Variants in LYPD1 observed in about 807,000 individuals in gnomAD.
The protein encoded by LYPD1 is LY6/PLAUR domain containing 1.
Under a neutral mutation model 14.2 loss-of-function variants are expected in LYPD1, and 14 were observed. The ratio of observed to expected loss-of-function variants is 0.99; its 90% CI spans 0.65 to 1.54. The LOEUF (loss-of-function observed/expected upper bound fraction) is 1.54, where lower values mean the gene tolerates loss of function less well. Ranked by LOEUF, LYPD1 falls within the 40% of genes most tolerant of loss-of-function variation. The probability of loss-of-function intolerance (pLI) is 0.00; values close to 1 mark genes in which losing one functional copy is unlikely to be tolerated. For synonymous variants in LYPD1, 85 were observed against 70.6 expected (o/e 1.20, Z -1.02); for missense variants, 165 against 175.7 (o/e 0.94, Z 0.34).
chr2:132,666,882 G>A (rs1448936820), intron 2 of LYPD1: 1 of 152,208 alleles, frequency 6.6e-6, no homozygotes, highest in African/African-American at 2.4e-5. Context: ...TGTGGACTCT[G>A]AAGAAGTTCT....
At chr2:132,662,847 A>G (rs1683035825) in intron 2 of LYPD1, among the ~76,000 whole-genome samples, 1 of 152,218 alleles carries the variant, frequency 6.6e-6, no homozygotes, top group Admixed American at 6.5e-5. Context: ...GGGAGGAATT[A>G]GTGTTATGGG....
At chr2:132,656,280 G>T (rs1456345306) in intron 2 of LYPD1, among the ~76,000 whole-genome samples, 1 of 152,256 alleles carries the variant, frequency 6.6e-6, no homozygotes, top group Middle Eastern at 3.4e-3. Context: ...CTTTAAAGAC[G>T]AACTTTTCCA....
At chr2:132,650,715 T>TAAAAAAA (rs869233095) in intron 2 of LYPD1, among the ~76,000 whole-genome samples, 2 of 102,858 alleles carry the variant, frequency 1.9e-5, no homozygotes, top group African/African-American at 6.8e-5. Context: ...CTCCTTCCTT[T>TAAAAAAA]AAAAAAAAAA....
chr2:132,664,725 C>G (rs184955473), intron 2 of LYPD1, among the ~76,000 whole-genome samples: 3 of 152,252 alleles, frequency 2.0e-5, no homozygotes, highest in Admixed American at 2.0e-4. Flanking sequence ...AAATTATGCC[C>G]CTTTCACTGT....
Position 132,670,161 on chromosome 2 carries a change from C to A in LYPD1, c.-229G>T, listed in dbSNP as rs1440293104. On this transcript the variant is annotated 5_prime_UTR_variant, in exon 1 of 3. Transcript: ENST00000397463. This position sits in a 1 kb window ranked among gnomAD's most constrained non-coding sequence, Gnocchi z 4.5. ...TCTCTGCTCCTCCCGCTCGCGCTCC[C>A]GGGCCGAGCACCGCGCCTCCGGAGT... The A allele has an allele frequency of 1.5e-6, 2 of 1,348,138 alleles. No homozygotes were observed. The highest frequency in any genetic ancestry group is 3.1e-5 in the African/African-American group (2 of 64,266). The allele number at this position is 1,348,138 out of a possible 1,614,324, so 83.5% of individuals were successfully genotyped here.
At chr2:132,656,941 G>A (rs1682631544) in intron 2 of LYPD1, among the ~76,000 whole-genome samples, 1 of 152,186 alleles carries the variant, frequency 6.6e-6, no homozygotes. Context: ...TTAAGGGGCT[G>A]CAATGATCCC....
chr2:132,646,546 GT>G (rs1682092908), intron 2 of LYPD1: 5 of 355,472 alleles, frequency 1.4e-5, no homozygotes, highest in Non-Finnish European at 2.5e-5. Flanking sequence ...ATAAAGAGCT[GT>G]TAAATAGACT....
chr2:132,662,448 C>G (rs752255687), intron 2 of LYPD1, among the ~76,000 whole-genome samples: 8 of 152,186 alleles, frequency 5.3e-5, no homozygotes, highest in Non-Finnish European at 1.2e-4. Flanking sequence ...CCTAAGGGAG[C>G]CAATACACTT....
chr2:132,669,937 C>A lies in LYPD1; in HGVS notation c.-5G>T. Reference sequence around the variant, plus strand: ...CGCGATGCCTAGGACCCACATTCTCCCGGAGTCCCGGGGCCGGGAGAGGGC... The same window carrying A: ...CGCGATGCCTAGGACCCACATTCTCACGGAGTCCCGGGGCCGGGAGAGGGC... On this transcript the variant is annotated 5_prime_UTR_variant, in exon 1 of 3. It introduces an in-frame stop codon into an upstream open reading frame of the 5' UTR. Transcript: ENST00000397463. This position sits in a 1 kb window ranked among gnomAD's most constrained non-coding sequence, Gnocchi z 4.3. 3 of 1,612,286 alleles carry A rather than the reference C, an allele frequency of 1.9e-6. No individual in the cohort carries two copies. The highest frequency in any genetic ancestry group is 2.5e-6 in the Non-Finnish European group (3 of 1,179,290).
Position 132,669,978 on chromosome 2 carries a change from G to A in LYPD1, c.-46C>T, listed in dbSNP as rs772420981. 28 of 1,603,366 alleles carry A rather than the reference G, an allele frequency of 1.7e-5. No individual in the cohort carries two copies. Among genetic ancestry groups the A allele is most frequent in the East Asian group, 4.5e-5 (2 of 44,330 alleles). ...GGGAGAGGGCAAGCGCATCAGAGGA[G>A]GCGACAGCAGCGGAGGCTGCCCCGG... On this transcript the variant is annotated 5_prime_UTR_variant, in exon 1 of 3. Transcript: ENST00000397463. The surrounding 1 kb of genome is among the most constrained non-coding windows in gnomAD (Gnocchi z 4.3).
In LYPD1 at chr2:132,670,091, G is replaced by A; in HGVS notation, c.-159C>T. 1 of 1,470,744 alleles carries A rather than the reference G, an allele frequency of 6.8e-7. No individual in the cohort carries two copies. Among genetic ancestry groups the A allele is most frequent in the Non-Finnish European group, 8.9e-7 (1 of 1,118,702 alleles). 91.1% of individuals were successfully genotyped at this position (1,470,744 alleles called of 1,614,324 possible). On this transcript the variant is annotated 5_prime_UTR_variant, in exon 1 of 3. Coordinates refer to ENST00000397463, the MANE Select transcript of LYPD1 (RefSeq NM_144586.7). This position sits in a 1 kb window ranked among gnomAD's most constrained non-coding sequence, Gnocchi z 4.5. ...GTAGCTTAGAGGAGCCGCAGGTGCC[G>A]CTCGCGGAGCCTGCATCGCCCGCGC... is the stretch of plus-strand genomic sequence containing the variant.
At chr2:132,660,101 C>A (rs1481422036) in intron 2 of LYPD1, among the ~76,000 whole-genome samples, 1 of 152,250 alleles carries the variant, frequency 6.6e-6, no homozygotes, top group Admixed American at 6.5e-5. Context: ...TGTCTCCAGT[C>A]ATTCCACTGT....
intron 2 of LYPD1, among the ~76,000 whole-genome samples, chr2:132,652,330 G>T (rs887601271): frequency 5.3e-5 from 8 of 152,130 alleles, no homozygotes; most frequent in African/African-American, 1.9e-4. Flanking sequence ...AGGAAAAGAC[G>T]ACAGAAGGAA....
upstream of LYPD1, chr2:132,670,345 C>A (rs1683620956): frequency 4.5e-6 from 1 of 223,628 alleles, no homozygotes. The surrounding 1 kb of genome is among the most constrained non-coding windows in gnomAD (Gnocchi z 4.5). Flanking sequence ...CATCCCCACC[C>A]CCTTCCTGTC....
chr2:132,646,431 T>G lies in LYPD1; in HGVS notation c.191-151A>C, dbSNP rs148811614. 545 of 430,070 alleles carry G rather than the reference T, an allele frequency of 1.3e-3. 1 individual carries two copies. Among genetic ancestry groups the G allele is most frequent in the African/African-American group, 9.7e-3 (475 of 49,190 alleles). The allele number at this position is 430,070 out of a possible 1,614,324, so 26.6% of individuals were successfully genotyped here. A position where few individuals can be genotyped will look rare whatever the true frequency, so the allele number is the denominator to read the frequency against. ...CAGGGAAGTGCTTCGGATTGTCTCA[T>G]TGATATTCAAGATAGATGGTGAAAG... On this transcript the variant is annotated intron_variant, in intron 2 of 2. Coordinates refer to ENST00000397463, the MANE Select transcript of LYPD1 (RefSeq NM_144586.7).
At chr2:132,668,362 A>G (rs371321040) in intron 2 of LYPD1, 38 bp downstream of exon 2, 26 of 1,575,504 alleles carry the variant, frequency 1.7e-5, no homozygotes, top group East Asian at 1.4e-4. Context: ...CCCACAGCCC[A>G]GGCTTAAGAG....
At chr2:132,648,017 T>G (rs1414124448) in intron 2 of LYPD1, among the ~76,000 whole-genome samples, 3 of 152,204 alleles carry the variant, frequency 2.0e-5, no homozygotes. Context: ...TACAAAATCC[T>G]GGAAGGCAGC....
At position 132,670,157 on chromosome 2, in the gene LYPD1, C is replaced by G; in HGVS notation, c.-225G>C. 5.2e-6 allele frequency: 7 copies of G among 1,356,968 alleles called. No homozygotes were observed. The highest frequency in any genetic ancestry group is 6.6e-6 in the Non-Finnish European group (7 of 1,060,318). 84.1% of individuals were successfully genotyped at this position (1,356,968 alleles called of 1,614,324 possible). ...CGGGTCTCTGCTCCTCCCGCTCGCG[C>G]TCCCGGGCCGAGCACCGCGCCTCCG... is the stretch of plus-strand genomic sequence containing the variant. On this transcript the variant is annotated 5_prime_UTR_variant, in exon 1 of 3. Coordinates refer to ENST00000397463, the MANE Select transcript of LYPD1 (RefSeq NM_144586.7). This position sits in a 1 kb window ranked among gnomAD's most constrained non-coding sequence, Gnocchi z 4.5.
chr2:132,654,082 G>C (rs1039358687), intron 2 of LYPD1, among the ~76,000 whole-genome samples: 3 of 152,198 alleles, frequency 2.0e-5, no homozygotes, highest in African/African-American at 7.2e-5. Flanking sequence ...TTCATTAACA[G>C]TACTGTGCCA....
Sources: gnomAD v4.1 joint callset for allele counts (sites outside exome capture counted in the v4.1 genomes callset) on GRCh38, gnomAD v4.1.1 for gene constraint, Gnocchi (gnomAD v3.1) non-coding constraint, MANE v1.5 for transcripts, NCBI Gene and HGNC (gene_info 2026-07-23, HGNC 2026-07-21) for gene names.